SPINK5: variants seen among roughly 807,000 people sequenced by gnomAD.
SPINK5 encodes the protein serine peptidase inhibitor Kazal type 5.
SPINK5 carries 125 observed loss-of-function variants against 151.8 expected under a neutral mutation model. The ratio of observed to expected loss-of-function variants is 0.82; its 90% CI spans 0.71 to 0.96. SPINK5 has a LOEUF of 0.96. SPINK5 is among the 40% of genes least tolerant of loss of function. SPINK5 has a pLI of 0.00. For synonymous variants in SPINK5, 374 were observed against 395.3 expected (o/e 0.95, Z 0.64); for missense variants, 1,194 against 1,291.9 (o/e 0.92, Z 1.16).
intron 5 of SPINK5, among the ~76,000 whole-genome samples, chr5:148,087,714 G>C (rs1490822613): frequency 6.6e-6 from 1 of 151,710 alleles, no homozygotes; most frequent in East Asian, 2.0e-4. Flanking sequence ...CTCTGGTCCA[G>C]GTGAAAGTTT....
chr5:148,101,251 G>T (rs1753634177), intron 13 of SPINK5, 104 bp from the exon 14 acceptor site: 6 of 851,756 alleles, frequency 7.0e-6, no homozygotes, highest in East Asian at 2.6e-5. Flanking sequence ...CACATTCAAA[G>T]AATTTAATCG....
chr5:148,134,716 CTTAT>C (rs1754655179), intron 32 of SPINK5, among the ~76,000 whole-genome samples: 1 of 151,948 alleles, frequency 6.6e-6, no homozygotes, highest in Non-Finnish European at 1.5e-5. Context: ...TGGTATAGTG[CTTAT>C]TTATTTTTAA....
chr5:148,129,592 A>C (rs554313640), intron 30 of SPINK5, among the ~76,000 whole-genome samples: 2 of 152,274 alleles, frequency 1.3e-5, no homozygotes, highest in East Asian at 3.9e-4. Context: ...AATACAATTG[A>C]TATACCTGGT....
At chr5:148,106,549 G>T (rs1753787217) in intron 16 of SPINK5, among the ~76,000 whole-genome samples, 1 of 151,682 alleles carries the variant, frequency 6.6e-6, no homozygotes, top group African/African-American at 2.4e-5. Flanking sequence ...TTGTGTCCAG[G>T]CTTGTCTTGA....
At chr5:148,116,229 A>C in intron 21 of SPINK5, 141 bp from the exon 22 acceptor site, 1 of 769,266 alleles carries the variant, frequency 1.3e-6, no homozygotes, top group Non-Finnish European at 2.2e-6. Flanking sequence ...TTTTTAGAGA[A>C]GGCCTGCAGC....
intron 10 of SPINK5, among the ~76,000 whole-genome samples, chr5:148,096,770 ATTTC>A (rs1442530390): frequency 8.7e-6 from 1 of 114,546 alleles, no homozygotes; most frequent in Non-Finnish European, 1.8e-5. Flanking sequence ...TTTTAAGACA[ATTTC>A]TTTCTTTCTT....
In SPINK5 at chr5:148,088,722, T is replaced by C; in HGVS notation, c.474+117T>C. ...TTGGAAGGAATTAATTCTTGCTTTATGTGAAATGGAATACCCAGTACTGCC... is the reference window on the plus strand; with the variant it reads ...TTGGAAGGAATTAATTCTTGCTTTACGTGAAATGGAATACCCAGTACTGCC... On this transcript the variant is annotated intron_variant, in intron 6 of 32. Transcript: ENST00000256084. 3 of 1,041,682 alleles carry C rather than the reference T, an allele frequency of 2.9e-6. No homozygotes were observed. In the South Asian group the frequency reaches 4.1e-5, roughly 14 times the overall value. The allele number at this position is 1,041,682 out of a possible 1,614,324, so 64.5% of individuals were successfully genotyped here. A position where few individuals can be genotyped will look rare whatever the true frequency, so the allele number is the denominator to read the frequency against.
At chr5:148,121,188 G>A (rs7722006) in intron 26 of SPINK5, among the ~76,000 whole-genome samples, 4,393 of 136,104 alleles carry the variant, frequency 0.032, 211 homozygotes, top group African/African-American at 0.11. Flanking sequence ...AAGAAGAAAA[G>A]TTGGAGTTTG....
At chr5:148,099,443 A>T in intron 12 of SPINK5, 128 bp downstream of exon 12, 1 of 706,218 alleles carries the variant, frequency 1.4e-6, no homozygotes, top group Non-Finnish European at 2.5e-6. Context: ...TGGGGATGGT[A>T]TTGAGATGAA....
chr5:148,124,828 T>C lies in SPINK5; in HGVS notation c.2730T>C (p.Asn910=), dbSNP rs1399140119. ...AGAAATCAAGTAGCAAGCCCTCAAATAATGCAAAGGTTATTTATTAAAGGA... is the reference window on the plus strand; with the variant it reads ...AGAAATCAAGTAGCAAGCCCTCAAACAATGCAAAGGTTATTTATTAAAGGA... ...DEEKSSSKPS[N]NAKDECSEFR... is the part of the protein sequence containing the mutation. The change falls in exon 28 of 33, where the codon AAT becomes AAC. Residue 910 remains asparagine (N), a synonymous_variant. Transcript: ENST00000256084. 6.2e-7 allele frequency: 1 copy of C among 1,603,986 alleles called. No homozygotes were observed. Among genetic ancestry groups the C allele is most frequent in the East Asian group, 2.2e-5 (1 of 44,506 alleles).
intron 31 of SPINK5, 61 bp downstream of exon 31, chr5:148,131,450 A>G: frequency 1.9e-6 from 3 of 1,607,746 alleles, no homozygotes; most frequent in South Asian, 2.2e-5. Flanking sequence ...TAGAGTGTTA[A>G]CCCATAGTAA....
At chr5:148,083,525 C>T (rs1753076126) in intron 4 of SPINK5, among the ~76,000 whole-genome samples, 1 of 150,824 alleles carries the variant, frequency 6.6e-6, no homozygotes, top group Non-Finnish European at 1.5e-5. Flanking sequence ...TATTTTTGTT[C>T]TTATTATGAC....
intron 2 of SPINK5, among the ~76,000 whole-genome samples, chr5:148,069,554 G>A (rs2080032226): frequency 6.6e-6 from 1 of 152,070 alleles, no homozygotes; most frequent in African/African-American, 2.4e-5. Context: ...GATTCACAAG[G>A]TTTGATTCTG....
At chr5:148,114,915 C>A (rs1754045975) in intron 21 of SPINK5, among the ~76,000 whole-genome samples, 1 of 152,156 alleles carries the variant, frequency 6.6e-6, no homozygotes, top group Non-Finnish European at 1.5e-5. Flanking sequence ...TTTGGAAGTA[C>A]ACCTAGAATA....
At chr5:148,107,451 A>G (rs986029816) in intron 17 of SPINK5, among the ~76,000 whole-genome samples, 2 of 152,072 alleles carry the variant, frequency 1.3e-5, no homozygotes, top group African/African-American at 4.8e-5. Context: ...CAGAAATTTC[A>G]TGATTTGGAT....
At chr5:148,136,585 A>T (rs543695058) in intron 32 of SPINK5, among the ~76,000 whole-genome samples, 12 of 152,202 alleles carry the variant, frequency 7.9e-5, no homozygotes, top group Non-Finnish European at 1.8e-4. Flanking sequence ...ACAACAAACT[A>T]TAGTAGAAAA....
intron 15 of SPINK5, 51 bp downstream of exon 15, chr5:148,101,959 T>A: frequency 6.2e-7 from 1 of 1,611,902 alleles, no homozygotes; most frequent in South Asian, 1.1e-5. Context: ...AGTGGGAATT[T>A]CCATGGGAAG....
At chr5:148,110,932 T>C (rs1206851404) in intron 18 of SPINK5, among the ~76,000 whole-genome samples, 3 of 151,730 alleles carry the variant, frequency 2.0e-5, no homozygotes, top group African/African-American at 7.3e-5. Flanking sequence ...GTAACAAACC[T>C]GCATGCTCTG....
chr5:148,088,961 C>T (rs1753234066), intron 6 of SPINK5: 2 of 475,680 alleles, frequency 4.2e-6, no homozygotes, highest in African/African-American at 3.9e-5. Flanking sequence ...AGACCTTGGA[C>T]AAATTACTTA....
Sources: gnomAD v4.1 joint callset for allele counts (sites outside exome capture counted in the v4.1 genomes callset) on GRCh38, gnomAD v4.1.1 for gene constraint, MANE v1.5 for transcripts, NCBI Gene and HGNC (gene_info 2026-07-23, HGNC 2026-07-21) for gene names.